OPCML: variants seen among roughly 807,000 people sequenced by gnomAD.
OPCML encodes opioid-binding protein/cell adhesion molecule.
Under a neutral mutation model 37.8 loss-of-function variants are expected in OPCML, and 13 were observed. That is an observed-to-expected ratio of 0.34 (90% confidence interval 0.22 to 0.55). The LOEUF (loss-of-function observed/expected upper bound fraction) is 0.55, where lower values mean the gene tolerates loss of function less well. OPCML is among the 20% of genes least tolerant of loss of function. The probability of loss-of-function intolerance (pLI) is 0.91; values close to 1 mark genes in which losing one functional copy is unlikely to be tolerated. For synonymous variants in OPCML, 176 were observed against 168.8 expected (o/e 1.04, Z -0.33); for missense variants, 341 against 435.6 (o/e 0.78, Z 1.93).
intron 1 of OPCML, among the ~76,000 whole-genome samples, chr11:133,055,061 T>C (rs1453978226): frequency 6.6e-6 from 1 of 150,432 alleles, no homozygotes; most frequent in African/African-American, 2.5e-5. Flanking sequence ...GCTGCCTCCA[T>C]GATACTTCCA....
rs71038531 is a variant in OPCML at position 133,484,030 on chromosome 11, TTAGATAGATAGATAGATAGATAGA to T, written c.61+48210_61+48233del. ...ATAGATAGACAAATAGATGGACAGATTAGATAGATAGATAGATAGATAGATAGATAGATAGATAGATAGATAGAT... is the reference window on the plus strand; with the variant it reads ...ATAGATAGACAAATAGATGGACAGATTAGATAGATAGATAGATAGATAGAT... On this transcript the variant is annotated intron_variant, in intron 1 of 7. Coordinates refer to ENST00000524381, the MANE Select transcript of OPCML (RefSeq NM_001012393.5). Among the ~76,000 whole-genome samples the T allele has an allele frequency of 1.5e-4, 20 of 134,908 alleles. No homozygotes were observed. In the East Asian group the frequency reaches 1.5e-3, roughly 10 times the overall value. 88.5% of individuals were successfully genotyped at this position (134,908 alleles called of 152,430 possible). A position where few individuals can be genotyped will look rare whatever the true frequency, so the allele number is the denominator to read the frequency against.
chr11:132,738,933 G>A (rs899357308), intron 2 of OPCML, among the ~76,000 whole-genome samples: 12 of 152,194 alleles, frequency 7.9e-5, no homozygotes, highest in Non-Finnish European at 1.8e-4. Context: ...ATGCCACGTG[G>A]CATAGAGATG....
At position 132,443,726 on chromosome 11, in the gene OPCML, G is replaced by A. The variant is rs532291207; in HGVS notation, c.506-6367C>T. On this transcript the variant is annotated intron_variant, in intron 4 of 7. Coordinates refer to ENST00000524381, the MANE Select transcript of OPCML (RefSeq NM_001012393.5). ...ACATCTGGAGTAAGATAGACCACAGGAAGGAGATAAGGCTGTCTGAAACCA... is the reference window on the plus strand; with the variant it reads ...ACATCTGGAGTAAGATAGACCACAGAAAGGAGATAAGGCTGTCTGAAACCA... 9.8e-5 allele frequency among the ~76,000 whole-genome samples: 15 copies of A among 152,342 alleles called. No individual in the cohort carries two copies. The South Asian group carries it at 2.9e-3, about 29-fold the overall frequency.
At chr11:133,423,168 C>G in intron 1 of OPCML, 1 of 985,342 alleles carries the variant, frequency 1.0e-6, no homozygotes, top group Non-Finnish European at 1.2e-6. Context: ...ATCTTTACAT[C>G]TTGAAGAATT....
intron 1 of OPCML, among the ~76,000 whole-genome samples, chr11:133,123,180 T>G (rs1320027623): frequency 6.6e-6 from 1 of 152,158 alleles, no homozygotes; most frequent in Non-Finnish European, 1.5e-5. Flanking sequence ...AGTAAGAAAT[T>G]CCCTCAATTC....
At chr11:133,486,159 C>A (rs1407899594) in intron 1 of OPCML, among the ~76,000 whole-genome samples, 1 of 152,138 alleles carries the variant, frequency 6.6e-6, no homozygotes, top group Admixed American at 6.5e-5. Flanking sequence ...CTTGCAGGAA[C>A]CTAACCCTGT....
chr11:132,566,154 T>C (rs916581979), intron 3 of OPCML, among the ~76,000 whole-genome samples: 2 of 152,216 alleles, frequency 1.3e-5, no homozygotes. Context: ...AGAGGAGAAA[T>C]ATAAAGATAG....
intron 2 of OPCML, among the ~76,000 whole-genome samples, chr11:132,852,620 AAGAG>A (rs756901337): frequency 2.4e-4 from 36 of 152,226 alleles, no homozygotes; most frequent in Middle Eastern, 6.8e-3. Flanking sequence ...AGAAAAAAAA[AAGAG>A]AGAGAGAAGA....
At chr11:132,439,883 G>T (rs2096026595) in intron 4 of OPCML, among the ~76,000 whole-genome samples, 1 of 152,170 alleles carries the variant, frequency 6.6e-6, no homozygotes, top group South Asian at 2.1e-4. Flanking sequence ...CTCAGGCAGG[G>T]TCAACGTTCC....
chr11:132,649,014 G>A (rs534889535), intron 3 of OPCML, among the ~76,000 whole-genome samples: 3 of 152,274 alleles, frequency 2.0e-5, no homozygotes, highest in South Asian at 4.1e-4. Flanking sequence ...AATTCCAGAG[G>A]CCACGGAGGA....
intron 2 of OPCML, among the ~76,000 whole-genome samples, chr11:132,844,237 T>C (rs2725447): frequency 0.24 from 36,841 of 152,110 alleles, 4,561 homozygotes; most frequent in Non-Finnish European, 0.29. Flanking sequence ...GGGTATGTCT[T>C]TATCAGCAGC....
chr11:133,484,146 GGATA>G (rs944894584), intron 1 of OPCML, among the ~76,000 whole-genome samples: 50 of 125,242 alleles, frequency 4.0e-4, no homozygotes, highest in Non-Finnish European at 5.6e-4. Context: ...GATGATAGAT[GGATA>G]GATAGATAGA....
chr11:132,990,141 C>G (rs1235106904), intron 1 of OPCML, among the ~76,000 whole-genome samples: 2 of 152,202 alleles, frequency 1.3e-5, no homozygotes, highest in Non-Finnish European at 2.9e-5. Flanking sequence ...ATAACCATGA[C>G]TGAAAGCAGG....
intron 1 of OPCML, among the ~76,000 whole-genome samples, chr11:133,330,377 A>C (rs941261264): frequency 6.6e-6 from 1 of 152,200 alleles, no homozygotes; most frequent in African/African-American, 2.4e-5. Flanking sequence ...CTATAAAGAC[A>C]CATGCACACG....
chr11:133,252,340 T>C (rs1435015160), intron 1 of OPCML, among the ~76,000 whole-genome samples: 1 of 152,118 alleles, frequency 6.6e-6, no homozygotes. Flanking sequence ...TATTATAGGG[T>C]TGATGAAGCT....
intron 2 of OPCML, among the ~76,000 whole-genome samples, chr11:132,850,019 A>C (rs1325169171): frequency 6.6e-6 from 1 of 152,212 alleles, no homozygotes; most frequent in Non-Finnish European, 1.5e-5. Flanking sequence ...AAATACTGTC[A>C]TCTTTAACCT....
At chr11:132,622,510 A>G (rs1399912017) in intron 3 of OPCML, among the ~76,000 whole-genome samples, 3 of 152,326 alleles carry the variant, frequency 2.0e-5, no homozygotes, top group East Asian at 3.9e-4. Context: ...TTGGAAAAAC[A>G]TGGCTGTGCT....
chr11:132,568,983 GC>G (rs2096430965), intron 3 of OPCML, among the ~76,000 whole-genome samples: 1 of 152,204 alleles, frequency 6.6e-6, no homozygotes, highest in Admixed American at 6.5e-5. Flanking sequence ...CAGGAGGAAA[GC>G]CATTATGGAT....
At chr11:132,685,875 A>T (rs1943143200) in intron 2 of OPCML, among the ~76,000 whole-genome samples, 1 of 152,222 alleles carries the variant, frequency 6.6e-6, no homozygotes, top group Non-Finnish European at 1.5e-5. Context: ...TCACTAAATT[A>T]GCCCCCAGTT....
Sources: allele counts gnomAD v4.1 joint callset (sites outside exome capture counted in the v4.1 genomes callset), GRCh38; gene constraint gnomAD v4.1.1; transcripts MANE v1.5; gene names NCBI Gene and HGNC (gene_info 2026-07-23, HGNC 2026-07-21).